IPO7: variants seen among roughly 807,000 people sequenced by gnomAD.
The protein encoded by IPO7 is importin 7, also known as importin-7.
Under a neutral mutation model 136.4 loss-of-function variants are expected in IPO7, and 13 were observed. The observed-to-expected ratio is 0.10, with a 90% CI of 0.06 to 0.15. IPO7 has a LOEUF of 0.15. Ranked by LOEUF, IPO7 falls within the 10% of genes least tolerant of loss-of-function variation. The probability of loss-of-function intolerance (pLI) is 1.00; values close to 1 mark genes in which losing one functional copy is unlikely to be tolerated. For missense variants in IPO7, 857 were observed against 1,240.6 expected, an observed-to-expected ratio of 0.69 and a Z score of 4.65; for synonymous variants, 403 against 404.4, an observed-to-expected ratio of 1.00 and a Z score of 0.04.
chr11:9,441,268 C>G (rs1855456556), intron 23 of IPO7, among the ~76,000 whole-genome samples: 1 of 152,172 alleles, frequency 6.6e-6, no homozygotes, highest in South Asian at 2.1e-4. Context: ...GAAAAGTCCA[C>G]TGTTCCTATA....
chr11:9,424,376 A>G (rs1026029888), intron 10 of IPO7, among the ~76,000 whole-genome samples: 3 of 152,206 alleles, frequency 2.0e-5, no homozygotes, highest in African/African-American at 7.2e-5. Flanking sequence ...TTTCATACAT[A>G]CGATTTAAAC....
At chr11:9,390,371 G>A (rs566907892) in intron 1 of IPO7, among the ~76,000 whole-genome samples, 2 of 151,770 alleles carry the variant, frequency 1.3e-5, no homozygotes, top group South Asian at 2.1e-4. Context: ...ACTGCTGTAT[G>A]TGATATACCT....
At chr11:9,423,372 C>G (rs759065810) in intron 9 of IPO7, among the ~76,000 whole-genome samples, 23 of 152,144 alleles carry the variant, frequency 1.5e-4, no homozygotes, top group Admixed American at 3.9e-4. Context: ...TTCAAACTTG[C>G]AATTTAAGTT....
chr11:9,405,819 G>A (rs933231107), intron 2 of IPO7, among the ~76,000 whole-genome samples: 44 of 152,248 alleles, frequency 2.9e-4, no homozygotes, highest in African/African-American at 9.6e-4. Context: ...ATAGAAAAGG[G>A]TAATTTTTAT....
rs761418354 is a variant in IPO7 at position 9,433,749 on chromosome 11, G to T, written c.1977G>T (p.Ala659=). 3 of 1,611,754 alleles carry T rather than the reference G, an allele frequency of 1.9e-6. No homozygotes were observed. The highest frequency in any genetic ancestry group is 1.7e-5 in the Admixed American group (1 of 59,950). The change falls in exon 18 of 25, where the codon GCG becomes GCT. Residue 659 remains alanine, a synonymous_variant. Coordinates refer to ENST00000379719, the MANE Select transcript of IPO7 (RefSeq NM_006391.3). Reference sequence around the variant, plus strand: ...TCTATGAGGAGATCTTCTCTTTAGCGCACAGTTTGACATGTCAACAAGTGT... The same window carrying T: ...TCTATGAGGAGATCTTCTCTTTAGCTCACAGTTTGACATGTCAACAAGTGT... The part of the protein sequence containing the change: ...LEFYEEIFSL[A]HSLTCQQVSP...
intron 1 of IPO7, among the ~76,000 whole-genome samples, chr11:9,388,824 C>G (rs1456702366): frequency 6.6e-6 from 1 of 152,138 alleles, no homozygotes; most frequent in Non-Finnish European, 1.5e-5. Flanking sequence ...ATCTGAGCCT[C>G]CCAGGTGGCT....
At chr11:9,442,023 G>A (rs957921052) in intron 23 of IPO7, 58 bp from the exon 24 acceptor site, 10 of 791,642 alleles carry the variant, frequency 1.3e-5, no homozygotes, top group African/African-American at 5.1e-5. Flanking sequence ...AGTGTAGAAC[G>A]GAGCTACCAA....
chr11:9,441,695 G>A (rs777233212), intron 23 of IPO7, among the ~76,000 whole-genome samples: 9 of 152,146 alleles, frequency 5.9e-5, no homozygotes, highest in Non-Finnish European at 1.0e-4. Context: ...TTCCTAACAC[G>A]GGGCCCATGT....
At chr11:9,396,726 C>T (rs1419311124) in intron 1 of IPO7, among the ~76,000 whole-genome samples, 3 of 151,524 alleles carry the variant, frequency 2.0e-5, no homozygotes, top group African/African-American at 7.3e-5. Flanking sequence ...TTTCAAAGTT[C>T]ATACATTGTT....
chr11:9,416,500 A>G (rs1003206745), intron 5 of IPO7, among the ~76,000 whole-genome samples: 2 of 152,240 alleles, frequency 1.3e-5, no homozygotes, highest in African/African-American at 4.8e-5. Flanking sequence ...CTTTGAGACT[A>G]GCATACCTGT....
chr11:9,438,637 A>T (rs59885871), intron 22 of IPO7, among the ~76,000 whole-genome samples: 11,255 of 151,206 alleles, frequency 0.074, 739 homozygotes, highest in African/African-American at 0.17. Flanking sequence ...ATTAAAAAAA[A>T]ATATATATAT....
chr11:9,396,830 C>CA (rs1357240368), intron 1 of IPO7, among the ~76,000 whole-genome samples: 3 of 152,098 alleles, frequency 2.0e-5, no homozygotes, highest in Non-Finnish European at 4.4e-5. Flanking sequence ...AGTTGATGGG[C>CA]ATACAGGTTG....
chr11:9,436,138 A>C, intron 19 of IPO7, 133 bp from the exon 20 acceptor site: 1 of 620,866 alleles, frequency 1.6e-6, no homozygotes, highest in Non-Finnish European at 2.9e-6. Context: ...TGAACATTGC[A>C]GTTATTCATA....
intron 10 of IPO7, 99 bp from the exon 11 acceptor site, chr11:9,424,814 TG>T: frequency 1.3e-6 from 1 of 771,432 alleles, no homozygotes; most frequent in Non-Finnish European, 2.2e-6. Context: ...TAAAGGGATC[TG>T]GGATCATTTT....
rs1213597709 is a variant in IPO7 at position 9,408,644 on chromosome 11, G to A, written c.320+5G>A. The stretch of plus-strand genomic sequence containing the variant: ...CCATTCTCCTGAGCTCATCAGGTAT[G>A]TATTTTTAAAATTTACCCATTTCTG... On this transcript the variant is annotated splice_donor_5th_base_variant and intron_variant, in intron 3 of 24. Transcript: ENST00000379719. The A allele has an allele frequency of 7.6e-7, 1 of 1,317,064 alleles. No individual in the cohort carries two copies. Among genetic ancestry groups the A allele is most frequent in the Admixed American group, 2.8e-5 (1 of 36,214 alleles). The allele number at this position is 1,317,064 out of a possible 1,614,324, so 81.6% of individuals were successfully genotyped here. A position where few individuals can be genotyped will look rare whatever the true frequency, so the allele number is the denominator to read the frequency against.
chr11:9,440,940 C>A (rs1176881754), intron 23 of IPO7, among the ~76,000 whole-genome samples: 1 of 152,178 alleles, frequency 6.6e-6, no homozygotes, highest in Non-Finnish European at 1.5e-5. Context: ...TTCTGATTCC[C>A]AATCTCCCAG....
Position 9,417,118 on chromosome 11 carries a change from A to T in IPO7, c.696A>T (p.Leu232Phe). ...QQNLTEWIEI[L>F]KTVVNRDVPN... Reference sequence around the variant, plus strand: ...ACCTGACAGAATGGATAGAAATTTTAAAGACTGTTGTGAACAGGGATGTAC... The same window carrying T: ...ACCTGACAGAATGGATAGAAATTTTTAAGACTGTTGTGAACAGGGATGTAC... The change falls in exon 6 of 25, where the codon TTA becomes TTT. Residue 232 changes from leucine to phenylalanine, a missense_variant. Coordinates refer to ENST00000379719, the MANE Select transcript of IPO7 (RefSeq NM_006391.3). The T allele has an allele frequency of 6.4e-7, 1 of 1,556,972 alleles. No homozygotes were observed. Among genetic ancestry groups the T allele is most frequent in the Non-Finnish European group, 8.9e-7 (1 of 1,129,426 alleles).
At position 9,438,109 on chromosome 11, in the gene IPO7, G is replaced by C; in HGVS notation, c.2519G>C (p.Gly840Ala). Residue 840 changes from glycine to alanine, a missense_variant, in exon 22 of 25, where the codon GGA becomes GCA. By Grantham distance (60) the Gly-to-Ala change is moderately conservative (BLOSUM62 0). Coordinates refer to ENST00000379719, the MANE Select transcript of IPO7 (RefSeq NM_006391.3). ...GLHDRKMCVL[G>A]LCALIDMEQI... ...CATGACAGAAAGATGTGTGTTCTCG[G>C]ACTCTGTGCTCTTATTGATATGGAA... 6.6e-7 allele frequency: 1 copy of C among 1,517,606 alleles called. No homozygotes were observed. The highest frequency in any genetic ancestry group is 8.9e-7 in the Non-Finnish European group (1 of 1,121,790). 94.0% of individuals were successfully genotyped at this position (1,517,606 alleles called of 1,614,324 possible). A position where few individuals can be genotyped will look rare whatever the true frequency, so the allele number is the denominator to read the frequency against.
intron 16 of IPO7, among the ~76,000 whole-genome samples, chr11:9,432,970 A>G (rs576252490): frequency 7.2e-6 from 1 of 139,038 alleles, no homozygotes; most frequent in African/African-American, 2.6e-5. Context: ...CACATAACAG[A>G]TGGGCTATCT....
Sources: gnomAD v4.1 joint callset for allele counts (sites outside exome capture counted in the v4.1 genomes callset) on GRCh38, gnomAD v4.1.1 for gene constraint, MANE v1.5 for transcripts, NCBI Gene and HGNC (gene_info 2026-07-23, HGNC 2026-07-21) for gene names.